Variants in TRIB2 observed in about 807,000 individuals in gnomAD.
The protein encoded by TRIB2 is tribbles pseudokinase 2.
In TRIB2, 2 loss-of-function variants were observed where a neutral mutation model predicts 26.8. That is an observed-to-expected ratio of 0.07 (90% CI 0.03 to 0.24). TRIB2 has a LOEUF of 0.24. Among genes scored for constraint, TRIB2 ranks in the 10% least tolerant of loss-of-function variants. The pLI is 1.00. For missense variants in TRIB2, 306 were observed against 449.0 expected, an observed-to-expected ratio of 0.68 and a Z score of 2.88; for synonymous variants, 189 against 187.3, an observed-to-expected ratio of 1.01 and a Z score of -0.08.
At chr2:12,721,854 T>C (rs1661227400) in intron 1 of TRIB2, among the ~76,000 whole-genome samples, 1 of 152,230 alleles carries the variant, frequency 6.6e-6, no homozygotes, top group East Asian at 1.9e-4. Flanking sequence ...TCATGGATTC[T>C]TAAATAGCAG....
Position 12,740,269 on chromosome 2 carries a change from G to T in TRIB2, c.564-57G>T. 1 of 1,486,106 alleles carries T rather than the reference G, an allele frequency of 6.7e-7. No homozygotes were observed. 92.1% of individuals were successfully genotyped at this position (1,486,106 alleles called of 1,614,324 possible). On this transcript the variant is annotated intron_variant, in intron 2 of 2. Transcript: ENST00000155926. This position sits in a 1 kb window ranked among gnomAD's most constrained non-coding sequence, Gnocchi z 5.8. ...CTATAGTCGGTTATGTTATGATGCT[G>T]GTGGTAACGTGTCTCTGAGCACCCT...
At chr2:12,731,847 G>A (rs1455061568) in intron 2 of TRIB2, among the ~76,000 whole-genome samples, 4 of 152,154 alleles carry the variant, frequency 2.6e-5, no homozygotes, top group Admixed American at 2.0e-4. Context: ...TCTGGACCCC[G>A]AAGCACTCCT....
intron 1 of TRIB2, among the ~76,000 whole-genome samples, chr2:12,721,817 A>G (rs961344412): frequency 9.2e-5 from 14 of 152,110 alleles, no homozygotes; most frequent in Admixed American, 3.3e-4. Flanking sequence ...TTTTGTTTCA[A>G]TTTTTTGAAG....
chr2:12,724,629 A>C (rs765283592), intron 2 of TRIB2: 17 of 1,611,570 alleles, frequency 1.1e-5, no homozygotes, highest in Middle Eastern at 1.6e-4. Flanking sequence ...TTCCGCTCAG[A>C]TGCCTCTGCC....
At position 12,740,665 on chromosome 2, in the gene TRIB2, A is replaced by C. The variant is rs751664816; in HGVS notation, c.903A>C (p.Glu301Asp). 12 of 1,614,166 alleles carry C rather than the reference A, an allele frequency of 7.4e-6. No individual in the cohort carries two copies. The highest frequency in any genetic ancestry group is 1.0e-5 in the Non-Finnish European group (12 of 1,180,016). ...REPSERLTSQEILDHPWFSTD... is the reference protein window; with the variant it reads ...REPSERLTSQDILDHPWFSTD... ...CCTCAGAGCGGCTGACCTCGCAGGAAATTCTGGACCATCCTTGGTTTTCTA... is the reference window on the plus strand; with the variant it reads ...CCTCAGAGCGGCTGACCTCGCAGGACATTCTGGACCATCCTTGGTTTTCTA... The change falls in exon 3 of 3, where the codon GAA becomes GAC. Residue 301 changes from glutamate (E) to aspartate (D), a missense_variant. Glu to Asp is a conservative substitution (Grantham distance 45). Transcript: ENST00000155926. The surrounding 1 kb of genome is among the most constrained non-coding windows in gnomAD (Gnocchi z 5.8).
At chr2:12,719,597 G>C (rs1218818334) in intron 1 of TRIB2, among the ~76,000 whole-genome samples, 1 of 150,444 alleles carries the variant, frequency 6.6e-6, no homozygotes, top group Non-Finnish European at 1.5e-5. Flanking sequence ...TTTTTGAGGG[G>C]GTAAGGGGAG....
At chr2:12,738,178 C>A (rs903422640) in intron 2 of TRIB2, among the ~76,000 whole-genome samples, 1 of 152,152 alleles carries the variant, frequency 6.6e-6, no homozygotes, top group Non-Finnish European at 1.5e-5. Context: ...TTGAACCTTG[C>A]CCCGCTTCTA....
chr2:12,720,330 C>G (rs1325948546), intron 1 of TRIB2, among the ~76,000 whole-genome samples: 2 of 152,178 alleles, frequency 1.3e-5, no homozygotes, highest in African/African-American at 4.8e-5. Flanking sequence ...TGAATCAGCC[C>G]CTCACCAATT....
intron 2 of TRIB2, among the ~76,000 whole-genome samples, chr2:12,739,199 TTGG>T (rs1482536089): frequency 6.6e-6 from 1 of 152,092 alleles, no homozygotes; most frequent in Non-Finnish European, 1.5e-5. Flanking sequence ...GGACAAGGCC[TTGG>T]GAGTATGAGG....
intron 2 of TRIB2, among the ~76,000 whole-genome samples, chr2:12,731,040 C>T (rs371996363): frequency 6.6e-6 from 1 of 152,146 alleles, no homozygotes; most frequent in Non-Finnish European, 1.5e-5. Flanking sequence ...CTCTGTCCTA[C>T]GGTGCTAGGT....
rs2103256152 is a variant in TRIB2, at chr2:12,732,329, T to A, written c.564-7997T>A. 6.6e-6 allele frequency among the ~76,000 whole-genome samples: 1 copy of A among 152,318 alleles called. No individual in the cohort carries two copies. Among genetic ancestry groups the A allele is most frequent in the South Asian group, 2.1e-4 (1 of 4,830 alleles). ...ATTGGGTTTCCCATCCCAACTGTGCTATTTCCAAGCAAGTTCCTTCATCTG... is the reference window on the plus strand; with the variant it reads ...ATTGGGTTTCCCATCCCAACTGTGCAATTTCCAAGCAAGTTCCTTCATCTG... On this transcript the variant is annotated intron_variant, in intron 2 of 2. Coordinates refer to ENST00000155926, the MANE Select transcript of TRIB2 (RefSeq NM_021643.4). This position sits in a 1 kb window ranked among gnomAD's most constrained non-coding sequence, Gnocchi z 4.2.
intron 2 of TRIB2, among the ~76,000 whole-genome samples, chr2:12,737,839 C>G (rs1003091805): frequency 3.9e-5 from 6 of 152,138 alleles, no homozygotes; most frequent in Admixed American, 6.5e-5. Context: ...TATGTTGTGT[C>G]TATTTTACTA....
At chr2:12,731,394 G>A (rs896827187) in intron 2 of TRIB2, among the ~76,000 whole-genome samples, 1 of 152,158 alleles carries the variant, frequency 6.6e-6, no homozygotes, top group Non-Finnish European at 1.5e-5. Context: ...AGCCCAGAAG[G>A]AACCATTGAA....
At chr2:12,734,505 C>T (rs150706307) in intron 2 of TRIB2, among the ~76,000 whole-genome samples, 142 of 152,238 alleles carry the variant, frequency 9.3e-4, no homozygotes, top group African/African-American at 2.2e-3. Context: ...CGTGCTTCCT[C>T]ACCTATCTTC....
At position 12,718,259 on chromosome 2, in the gene TRIB2, A is replaced by C. The variant is rs1338563731; in HGVS notation, c.-49A>C. On this transcript the variant is annotated 5_prime_UTR_variant, in exon 1 of 3. Coordinates refer to ENST00000155926, the MANE Select transcript of TRIB2 (RefSeq NM_021643.4). This position sits in a 1 kb window ranked among gnomAD's most constrained non-coding sequence, Gnocchi z 4.0. ...CTGCAGCCGCACTCGCCAGCGACTC[A>C]TCTCTCCAGCGGGTTTTTTTTTGTT... 6.3e-7 allele frequency: 1 copy of C among 1,579,364 alleles called. No homozygotes were observed. The highest frequency in any genetic ancestry group is 8.6e-7 in the Non-Finnish European group (1 of 1,162,168).
At chr2:12,719,233 T>G (rs1211199497) in intron 1 of TRIB2, among the ~76,000 whole-genome samples, 3 of 152,066 alleles carry the variant, frequency 2.0e-5, no homozygotes, top group Non-Finnish European at 2.9e-5. Context: ...TCTCTCCCCA[T>G]CTCTAGACTT....
intron 1 of TRIB2, among the ~76,000 whole-genome samples, chr2:12,720,621 A>C (rs1661190746): frequency 6.6e-6 from 1 of 152,216 alleles, no homozygotes; most frequent in South Asian, 2.1e-4. Flanking sequence ...TTGATGTCTT[A>C]GAATAGAAGG....
At chr2:12,720,196 G>C (rs1400606011) in intron 1 of TRIB2, among the ~76,000 whole-genome samples, 1 of 152,208 alleles carries the variant, frequency 6.6e-6, no homozygotes, top group Non-Finnish European at 1.5e-5. Context: ...TCTGGCCTCT[G>C]CTCATTCTTT....
chr2:12,740,577 A>T lies in TRIB2; in HGVS notation c.815A>T (p.Asn272Ile). The change falls in exon 3 of 3, where the codon AAC becomes ATC. Residue 272 changes from asparagine to isoleucine, a missense_variant. Asn to Ile is a moderately radical substitution (Grantham distance 149, BLOSUM62 -3). Coordinates refer to ENST00000155926, the MANE Select transcript of TRIB2 (RefSeq NM_021643.4). The surrounding 1 kb of genome is among the most constrained non-coding windows in gnomAD (Gnocchi z 5.8). ...LFSKIRRGQF[N>I]IPETLSPKAK... ...AGCAAGATCCGGCGTGGCCAGTTCAACATTCCAGAGACTCTGTCGCCCAAG... is the reference window on the plus strand; with the variant it reads ...AGCAAGATCCGGCGTGGCCAGTTCATCATTCCAGAGACTCTGTCGCCCAAG... The T allele has an allele frequency of 1.2e-6, 2 of 1,614,188 alleles. No homozygotes were observed. The highest frequency in any genetic ancestry group is 1.7e-6 in the Non-Finnish European group (2 of 1,180,044).
Sources: gnomAD v4.1 joint callset for allele counts (sites outside exome capture counted in the v4.1 genomes callset) on GRCh38, gnomAD v4.1.1 for gene constraint, Gnocchi (gnomAD v3.1) non-coding constraint, MANE v1.5 for transcripts, NCBI Gene and HGNC (gene_info 2026-07-23, HGNC 2026-07-21) for gene names.